Variants in RHOG observed in about 807,000 individuals in gnomAD.
RHOG encodes ras homolog family member G.
In RHOG, 1 loss-of-function variant was observed where a neutral mutation model predicts 12.3. The ratio of observed to expected loss-of-function variants is 0.08; its 90% CI spans 0.03 to 0.39. The LOEUF (loss-of-function observed/expected upper bound fraction) is 0.39. RHOG is among the 10% of genes least tolerant of loss of function. The probability of loss-of-function intolerance (pLI) is 0.99; values close to 1 mark genes in which losing one functional copy is unlikely to be tolerated. For missense variants in RHOG, 114 were observed against 266.2 expected (o/e 0.43, Z 3.98); for synonymous variants, 129 against 116.0 (o/e 1.11, Z -0.72).
intron 1 of RHOG, among the ~76,000 whole-genome samples, chr11:3,838,546 C>G (rs949566980): frequency 6.6e-6 from 1 of 152,044 alleles, no homozygotes; most frequent in South Asian, 2.1e-4. Flanking sequence ...GGGATTTCTT[C>G]CCGGACCCAA....
rs71041402 is a variant in RHOG at position 3,839,485 on chromosome 11, A to AACACACAC, written c.-69+1401_-69+1408dup. Reference sequence around the variant, plus strand: ...GTAGTCACACAGACACGCGCGCGCGAACACACACACACACACACACACACA... The same window carrying AACACACAC: ...GTAGTCACACAGACACGCGCGCGCGAACACACACACACACACACACACACACACACACA... On this transcript the variant is annotated intron_variant, in intron 1 of 1. Coordinates refer to ENST00000351018, the MANE Select transcript of RHOG (RefSeq NM_001665.4). Among the ~76,000 whole-genome samples, 100 of 141,992 alleles carry AACACACAC rather than the reference A, an allele frequency of 7.0e-4. 1 individual carries two copies. The highest frequency in any genetic ancestry group is 3.6e-3 in the Middle Eastern group (1 of 274). The allele number at this position is 141,992 out of a possible 152,430, so 93.2% of individuals were successfully genotyped here.
At chr11:3,839,582 C>A (rs192029928) in intron 1 of RHOG, among the ~76,000 whole-genome samples, 1 of 141,078 alleles carries the variant, frequency 7.1e-6, no homozygotes, top group African/African-American at 2.7e-5. Flanking sequence ...CACAGACACG[C>A]GCGTGCGAAC....
At chr11:3,832,882 T>G (rs2090138485) in intron 1 of RHOG, among the ~76,000 whole-genome samples, 1 of 152,072 alleles carries the variant, frequency 6.6e-6, no homozygotes, top group Non-Finnish European at 1.5e-5. Flanking sequence ...ATTCACTAAG[T>G]GGCTTTTTCA....
intron 1 of RHOG, among the ~76,000 whole-genome samples, chr11:3,832,481 A>T (rs1231230618): frequency 6.6e-6 from 1 of 152,152 alleles, no homozygotes; most frequent in Non-Finnish European, 1.5e-5. Flanking sequence ...AGAAGTAATA[A>T]TAGTACCCCT....
At chr11:3,839,602 A>AACACACACACAAACACACACACACAC (rs1554948262) in intron 1 of RHOG, among the ~76,000 whole-genome samples, 1 of 141,598 alleles carries the variant, frequency 7.1e-6, no homozygotes, top group African/African-American at 2.6e-5. Flanking sequence ...CACACACGCA[A>AACACACACACAAACACACACACACAC]ACACACACAC....
At chr11:3,838,294 C>T (rs2090168516) in intron 1 of RHOG, among the ~76,000 whole-genome samples, 1 of 152,178 alleles carries the variant, frequency 6.6e-6, no homozygotes, top group African/African-American at 2.4e-5. Context: ...CCAATGATGC[C>T]TTTTTTGCAA....
intron 1 of RHOG, among the ~76,000 whole-genome samples, chr11:3,834,319 C>T (rs1191743811): frequency 1.3e-5 from 2 of 152,148 alleles, no homozygotes; most frequent in Non-Finnish European, 2.9e-5. Flanking sequence ...GTACTGAAGC[C>T]TTGGCTTCTC....
chr11:3,832,472 GAAGT>G (rs1476324445), intron 1 of RHOG, among the ~76,000 whole-genome samples: 2 of 152,148 alleles, frequency 1.3e-5, no homozygotes, highest in Non-Finnish European at 2.9e-5. Flanking sequence ...CTGTACAGTA[GAAGT>G]AATAATAGTA....
intron 1 of RHOG, among the ~76,000 whole-genome samples, chr11:3,839,287 G>C (rs899710009): frequency 1.3e-5 from 2 of 151,880 alleles, no homozygotes; most frequent in Non-Finnish European, 2.9e-5. Flanking sequence ...GATTTCCCAC[G>C]GCCTCTCTTA....
rs1358248876 is a variant in RHOG at position 3,840,923 on chromosome 11, G to C, written c.-98C>G. 1 of 152,116 alleles carries C rather than the reference G, an allele frequency of 6.6e-6. No individual in the cohort carries two copies. Among genetic ancestry groups the C allele is most frequent in the East Asian group, 1.9e-4 (1 of 5,160 alleles). 9.4% of individuals were successfully genotyped at this position (152,116 alleles called of 1,614,324 possible). ...TGCCCTCCCCGAGGCGGGGGAGCTG[G>C]GGGCGGCGGCAGCGGCTCCGGGCTC... On this transcript the variant is annotated 5_prime_UTR_variant, in exon 1 of 2. Coordinates refer to ENST00000351018, the MANE Select transcript of RHOG (RefSeq NM_001665.4).
chr11:3,833,602 C>G (rs2090141942), intron 1 of RHOG, among the ~76,000 whole-genome samples: 1 of 152,182 alleles, frequency 6.6e-6, no homozygotes, highest in Admixed American at 6.5e-5. Flanking sequence ...TGACCCTGAG[C>G]TTCTGATGAT....
chr11:3,828,915 T>G (rs542225057), intron 1 of RHOG, among the ~76,000 whole-genome samples: 2 of 148,618 alleles, frequency 1.3e-5, no homozygotes, highest in Non-Finnish European at 3.0e-5. Flanking sequence ...CCACTGCGCC[T>G]GGCCAGTATT....
chr11:3,831,137 G>A (rs2090125408), intron 1 of RHOG, among the ~76,000 whole-genome samples: 1 of 152,038 alleles, frequency 6.6e-6, no homozygotes, highest in African/African-American at 2.4e-5. Flanking sequence ...GCTGCACCCT[G>A]GTCTGGGAAC....
chr11:3,828,256 T>C (rs1476583905), intron 1 of RHOG, 50 bp from the exon 2 acceptor site: 1 of 911,522 alleles, frequency 1.1e-6, no homozygotes, highest in East Asian at 2.7e-5. Context: ...CCTCTGCCTA[T>C]TGGGAAGAAA....
At position 3,827,688 on chromosome 11, in the gene RHOG, C is replaced by T; in HGVS notation, c.451G>A (p.Ala151Thr). ...QGQALAKQIH[A>T]VRYLECSALQ... ...GCTGAGCATTCGAGGTAGCGCACAG[C>T]GTGGATCTGCTTGGCCAGTGCCTGG... The change falls in exon 2 of 2, where the codon GCT becomes ACT. Residue 151 changes from alanine (A) to threonine (T), a missense_variant. By Grantham distance (58) the Ala-to-Thr change is moderately conservative. This residue lies in a region of RHOG where 61 missense variants were observed against 101.4 expected (regional missense o/e 0.60). Coordinates refer to ENST00000351018, the MANE Select transcript of RHOG (RefSeq NM_001665.4). The surrounding 1 kb of genome is among the most constrained non-coding windows in gnomAD (Gnocchi z 7.3). The T allele has an allele frequency of 6.2e-7, 1 of 1,614,066 alleles. No individual in the cohort carries two copies. The highest frequency in any genetic ancestry group is 8.5e-7 in the Non-Finnish European group (1 of 1,180,024).
intron 1 of RHOG, among the ~76,000 whole-genome samples, chr11:3,838,416 A>C (rs990047708): frequency 1.2e-4 from 19 of 152,130 alleles, no homozygotes; most frequent in African/African-American, 4.1e-4. Context: ...AGAATACTAA[A>C]GTAACTACTG....
chr11:3,831,748 C>T (rs190663777), intron 1 of RHOG, among the ~76,000 whole-genome samples: 4 of 152,284 alleles, frequency 2.6e-5, no homozygotes, highest in Non-Finnish European at 5.9e-5. Context: ...CAGCGGATTA[C>T]GTGGGAAGCC....
intron 1 of RHOG, among the ~76,000 whole-genome samples, chr11:3,835,901 GGGCTGCAGCT>G (rs139580835): frequency 0.1 from 15,255 of 151,996 alleles, 903 homozygotes; most frequent in African/African-American, 0.16. Context: ...AGGCTCAAAG[GGGCTGCAGCT>G]GGCTGCAGCT....
At chr11:3,834,015 C>T (rs1484533326) in intron 1 of RHOG, among the ~76,000 whole-genome samples, 11 of 152,156 alleles carry the variant, frequency 7.2e-5, no homozygotes, top group South Asian at 2.1e-4. Context: ...CTCCACCTCC[C>T]GGGTTCAAGT....
Sources: allele counts gnomAD v4.1 joint callset (sites outside exome capture counted in the v4.1 genomes callset), GRCh38; gene constraint gnomAD v4.1.1; regional missense constraint gnomAD v4.1.1; non-coding constraint Gnocchi (gnomAD v3.1); transcripts MANE v1.5; gene names NCBI Gene and HGNC (gene_info 2026-07-23, HGNC 2026-07-21).